DNASE1: variants seen among roughly 807,000 people sequenced by gnomAD.
DNASE1 encodes the protein deoxyribonuclease 1, also known as deoxyribonuclease-1.
A neutral mutation model predicts 33.9 loss-of-function variants in DNASE1; 40 were observed. The observed-to-expected ratio is 1.18, with a 90% confidence interval of 0.92 to 1.54. DNASE1 has a LOEUF of 1.54. Among genes scored for constraint, DNASE1 ranks in the 40% most tolerant of loss-of-function variants. DNASE1 has a pLI of 0.00. For synonymous variants in DNASE1, 216 were observed against 160.0 expected (o/e 1.35, Z -2.64); for missense variants, 518 against 372.6 (o/e 1.39, Z -3.21).
chr16:3,628,936 C>A (rs2041611549), intron 1 of DNASE1, among the ~76,000 whole-genome samples: 1 of 147,752 alleles, frequency 6.8e-6, no homozygotes. Context: ...CTTTGGGAAG[C>A]CGAGGCGGGC....
At chr16:3,659,132 C>G (rs529953165), downstream of DNASE1, 4 of 373,638 alleles carry the variant, frequency 1.1e-5, no homozygotes, top group African/African-American at 2.1e-5. Flanking sequence ...GAGCTTAGTA[C>G]GTGAAGACAT....
At chr16:3,652,213 TGACA>T (rs1332763070), upstream of DNASE1, 1 of 152,322 alleles carries the variant, frequency 6.6e-6, no homozygotes, top group East Asian at 1.9e-4. Flanking sequence ...CAGGAGGGGA[TGACA>T]GACCAGAGGG....
At chr16:3,624,784 A>G (rs1050892507) in intron 1 of DNASE1, among the ~76,000 whole-genome samples, 5 of 152,202 alleles carry the variant, frequency 3.3e-5, no homozygotes, top group Non-Finnish European at 7.3e-5. Flanking sequence ...AGGCTCAAAC[A>G]GTCCTCCCAC....
At chr16:3,620,070 C>G (rs2041252671) in intron 1 of DNASE1, among the ~76,000 whole-genome samples, 1 of 151,998 alleles carries the variant, frequency 6.6e-6, no homozygotes, top group African/African-American at 2.4e-5. Flanking sequence ...CATGCGCCAT[C>G]ACGCCTGGCC....
intron 1 of DNASE1, among the ~76,000 whole-genome samples, chr16:3,633,501 G>A (rs1049349430): frequency 1.3e-5 from 2 of 151,832 alleles, no homozygotes; most frequent in East Asian, 1.9e-4. Flanking sequence ...CCAGCTACTC[G>A]GGAGGCTGAG....
intron 7 of DNASE1, 78 bp from the exon 8 acceptor site, chr16:3,657,641 CT>C (rs2042770197): frequency 6.3e-7 from 1 of 1,578,512 alleles, no homozygotes; most frequent in Admixed American, 1.8e-5. Context: ...TCCCAGGGCT[CT>C]TAGTTTAGTT....
chr16:3,637,224 C>G (rs951814939), intron 1 of DNASE1, among the ~76,000 whole-genome samples: 1 of 152,172 alleles, frequency 6.6e-6, no homozygotes, highest in African/African-American at 2.4e-5. Context: ...CTGCTGTTTG[C>G]TGTAACTATA....
chr16:3,645,397 C>G (rs956579419), intron 1 of DNASE1, among the ~76,000 whole-genome samples: 2 of 152,214 alleles, frequency 1.3e-5, no homozygotes. Flanking sequence ...AGTTGCAGTT[C>G]GCCTTGTGGC....
upstream of DNASE1, among the ~76,000 whole-genome samples, chr16:3,641,986 C>T (rs908770645): frequency 1.4e-4 from 22 of 152,224 alleles, no homozygotes; most frequent in African/African-American, 5.3e-4. Context: ...GCCTCAGACC[C>T]GAGGGTCTGG....
intron 1 of DNASE1, among the ~76,000 whole-genome samples, chr16:3,614,511 C>T (rs973763008): frequency 3.3e-5 from 5 of 152,148 alleles, no homozygotes; most frequent in African/African-American, 1.2e-4. Context: ...CAAGTCAGGG[C>T]GGAGTAAACA....
intron 1 of DNASE1, among the ~76,000 whole-genome samples, chr16:3,621,923 C>T (rs2041329158): frequency 6.6e-6 from 1 of 152,080 alleles, no homozygotes; most frequent in Admixed American, 6.5e-5. Context: ...CAGTTACCTT[C>T]TAAAGAAGCC....
At chr16:3,658,252 C>T, downstream of DNASE1, 1 of 1,592,964 alleles carries the variant, frequency 6.3e-7, no homozygotes, top group East Asian at 2.2e-5. Context: ...GAGGAGAAAC[C>T]CATTATGAGG....
Position 3,656,688 on chromosome 16 carries a change from A to T in DNASE1, c.371A>T (p.Glu124Val). The change falls in exon 5 of 9, where the codon GAG becomes GTG. Residue 124 changes from glutamate to valine, a missense_variant. Coordinates refer to ENST00000246949, the MANE Select transcript of DNASE1 (RefSeq NM_005223.4). The stretch of plus-strand genomic sequence containing the variant: ...AGCTACTACTACGATGATGGCTGCG[A>T]GCCCTGCGGGAACGACACCTTCAAC... ...VDSYYYDDGC[E>V]PCGNDTFNRE... 1 of 1,613,372 alleles carries T rather than the reference A, an allele frequency of 6.2e-7. No homozygotes were observed. The highest frequency in any genetic ancestry group is 1.3e-5 in the African/African-American group (1 of 75,018).
exon 10 of DNASE1, chr16:3,663,765 A>C: frequency 1.6e-6 from 1 of 611,274 alleles, no homozygotes; most frequent in African/African-American, 1.8e-5. Context: ...AGGCAGAAGC[A>C]CTCCACGCAT....
intron 1 of DNASE1, among the ~76,000 whole-genome samples, chr16:3,633,615 A>G (rs1644910802): frequency 1.4e-5 from 2 of 147,234 alleles, no homozygotes; most frequent in Non-Finnish European, 3.0e-5. Flanking sequence ...TCTCAAGAGA[A>G]AAAAAAAAAA....
At chr16:3,614,218 TTTGTATTTCTAG>T (rs1166408548) in intron 1 of DNASE1, among the ~76,000 whole-genome samples, 4 of 151,330 alleles carry the variant, frequency 2.6e-5, no homozygotes, top group Non-Finnish European at 5.9e-5. Flanking sequence ...GGCGTAATTT[TTTGTATTTCTAG>T]TAGAGACGGG....
At chr16:3,655,721 A>C in intron 2 of DNASE1, 128 bp from the exon 3 acceptor site, 2 of 1,410,016 alleles carry the variant, frequency 1.4e-6, no homozygotes, top group Non-Finnish European at 2.0e-6. Flanking sequence ...GCAGGAGCCC[A>C]GGCAGAAACA....
At chr16:3,633,464 C>T (rs773254550) in intron 1 of DNASE1, among the ~76,000 whole-genome samples, 10 of 151,932 alleles carry the variant, frequency 6.6e-5, no homozygotes, top group Admixed American at 2.6e-4. Context: ...AAAAATTAGC[C>T]GGGCGTGGTG....
At chr16:3,612,629 C>A (rs1057019641) in intron 1 of DNASE1, among the ~76,000 whole-genome samples, 7 of 147,454 alleles carry the variant, frequency 4.7e-5, no homozygotes, top group African/African-American at 1.8e-4. Context: ...AGGCTGGTCT[C>A]GAGCCCTGGC....
Sources: gnomAD v4.1 joint callset for allele counts (sites outside exome capture counted in the v4.1 genomes callset) on GRCh38, gnomAD v4.1.1 for gene constraint, MANE v1.5 for transcripts, NCBI Gene and HGNC (gene_info 2026-07-23, HGNC 2026-07-21) for gene names.